Variants in CLIP1 observed in about 807,000 individuals in gnomAD.
CLIP1 encodes the protein CAP-Gly domain containing linker protein 1.
A neutral mutation model predicts 161.6 loss-of-function variants in CLIP1; 66 were observed. The observed-to-expected ratio is 0.41, with a 90% CI of 0.33 to 0.50. The LOEUF is 0.50. Ranked by LOEUF, CLIP1 falls within the 20% of genes least tolerant of loss-of-function variation. The pLI is 0.27. For synonymous variants in CLIP1, 598 were observed against 626.2 expected, an observed-to-expected ratio of 0.96 and a Z score of 0.67; for missense variants, 1,376 against 1,702.0, an observed-to-expected ratio of 0.81 and a Z score of 3.37.
Position 122,341,830 on chromosome 12 carries a change from C to T in CLIP1, c.1507-133G>A, listed in dbSNP as rs1799457029. 9 of 562,248 alleles carry T rather than the reference C, an allele frequency of 1.6e-5. No homozygotes were observed. The South Asian group carries it at 2.9e-4, about 18-fold the overall frequency. The allele number at this position is 562,248 out of a possible 1,614,324, so 34.8% of individuals were successfully genotyped here. On this transcript the variant is annotated intron_variant, in intron 10 of 25. Coordinates refer to ENST00000620786, the MANE Select transcript of CLIP1 (RefSeq NM_001247997.2). ...TGGAGTTTCGCTCTTCTTACCCAGGCTGGAGTACAATGGTGCGATCTCAGC... is the reference window on the plus strand; with the variant it reads ...TGGAGTTTCGCTCTTCTTACCCAGGTTGGAGTACAATGGTGCGATCTCAGC...
intron 5 of CLIP1, among the ~76,000 whole-genome samples, chr12:122,357,123 T>C (rs937013718): frequency 6.6e-4 from 100 of 151,170 alleles, no homozygotes; most frequent in African/African-American, 2.1e-3. Flanking sequence ...GGAGCGTCTC[T>C]GCCCGGCCGC....
chr12:122,360,429 A>ATT (rs1490902664), intron 5 of CLIP1, among the ~76,000 whole-genome samples: 49 of 151,858 alleles, frequency 3.2e-4, no homozygotes, highest in Non-Finnish European at 1.9e-4. Flanking sequence ...AAAAAAAAAA[A>ATT]AAATTAAATT....
intron 1 of CLIP1, among the ~76,000 whole-genome samples, chr12:122,394,303 A>G (rs536603742): frequency 1.3e-3 from 200 of 151,994 alleles, no homozygotes; most frequent in African/African-American, 4.6e-3. Flanking sequence ...CCTGGCCAAC[A>G]TGGTGAAACC....
Position 122,336,705 on chromosome 12 carries a change from A to G in CLIP1, c.2495T>C (p.Leu832Pro). Residue 832 changes from leucine to proline, a missense_variant, in exon 12 of 26, where the codon CTT becomes CCT. Around this residue, in one of 6 missense-constraint regions of CLIP1, gnomAD observed 948 missense variants for 1,134.8 expected, o/e 0.84. Transcript: ENST00000620786. ...ACTCAAATTTTCCTGAAGGTTAGTA[A>G]GCTTTAGCTCTCTCCCCTGGAGCTC... ...TRELQGRELK[L>P]TNLQENLSEV... The G allele has an allele frequency of 6.2e-7, 1 of 1,611,970 alleles. No homozygotes were observed. The highest frequency in any genetic ancestry group is 8.5e-7 in the Non-Finnish European group (1 of 1,178,886).
intron 15 of CLIP1, among the ~76,000 whole-genome samples, chr12:122,329,855 C>T (rs188555994): frequency 1.2e-3 from 183 of 152,188 alleles, no homozygotes; most frequent in Non-Finnish European, 2.1e-3. Context: ...CGTTGGCTCA[C>T]GCCTGTAATC....
intron 20 of CLIP1, among the ~76,000 whole-genome samples, chr12:122,294,355 A>AAC (rs1566086009): frequency 5.4e-5 from 8 of 147,168 alleles, no homozygotes; most frequent in Admixed American, 1.4e-4. Context: ...AAAAAAAAAA[A>AAC]CCCCAAACTG....
chr12:122,390,995 G>T (rs1955633717), intron 1 of CLIP1, among the ~76,000 whole-genome samples: 2 of 151,894 alleles, frequency 1.3e-5, no homozygotes, highest in South Asian at 2.1e-4. Flanking sequence ...CTCATAAAAG[G>T]TTTACACTTC....
rs374580168 is a variant in CLIP1 at position 122,412,337 on chromosome 12, C to T, written c.-107+10184G>A. Among the ~76,000 whole-genome samples, 24 of 149,690 alleles carry T rather than the reference C, an allele frequency of 1.6e-4. No individual in the cohort carries two copies. The South Asian group carries it at 4.6e-3, about 29-fold the overall frequency. The stretch of plus-strand genomic sequence containing the variant: ...CTGGGATTACAGGGGTGAGCCACCA[C>T]ACCTGGCCAAAAAAATTTTTTAATA... On this transcript the variant is annotated intron_variant, in intron 1 of 25. Coordinates refer to ENST00000620786, the MANE Select transcript of CLIP1 (RefSeq NM_001247997.2).
At chr12:122,320,339 G>GTGCC (rs1452725434) in intron 17 of CLIP1, among the ~76,000 whole-genome samples, 1 of 152,036 alleles carries the variant, frequency 6.6e-6, no homozygotes, top group Non-Finnish European at 1.5e-5. Flanking sequence ...ATGGTAGCAT[G>GTGCC]TGCCTACAGT....
intron 1 of CLIP1, among the ~76,000 whole-genome samples, chr12:122,383,450 T>C (rs1055126491): frequency 6.6e-6 from 1 of 152,188 alleles, no homozygotes; most frequent in African/African-American, 2.4e-5. Flanking sequence ...CAGAAGCATG[T>C]GGTTATTACA....
At chr12:122,408,569 C>CG (rs1407994919) in intron 1 of CLIP1, among the ~76,000 whole-genome samples, 1 of 151,932 alleles carries the variant, frequency 6.6e-6, no homozygotes, top group Non-Finnish European at 1.5e-5. Flanking sequence ...AGGATGGTCT[C>CG]GATCTCCTGA....
At position 122,329,709 on chromosome 12, in the gene CLIP1, T is replaced by C. The variant is rs180798138; in HGVS notation, c.2868-1283A>G. Among the ~76,000 whole-genome samples, 4 of 152,136 alleles carry C rather than the reference T, an allele frequency of 2.6e-5. No individual in the cohort carries two copies. In the East Asian group the frequency reaches 7.7e-4, roughly 29 times the overall value. ...TGAATGTTTCAAAATTTTAGCAGAC[T>C]AGATTACTAAAAATTCACTCTAGTG... On this transcript the variant is annotated intron_variant, in intron 15 of 25. Coordinates refer to ENST00000620786, the MANE Select transcript of CLIP1 (RefSeq NM_001247997.2).
chr12:122,292,769 C>A (rs192168607), intron 20 of CLIP1, among the ~76,000 whole-genome samples: 219 of 151,870 alleles, frequency 1.4e-3, no homozygotes, highest in African/African-American at 4.8e-3. Flanking sequence ...TTTGGGAGGC[C>A]GAGGCGGGCG....
At chr12:122,277,969 G>A in intron 24 of CLIP1, 185 bp downstream of exon 24, 1 of 627,448 alleles carries the variant, frequency 1.6e-6, no homozygotes, top group Non-Finnish European at 2.8e-6. Flanking sequence ...AGAGAGAGAA[G>A]GTTTGGAGGA....
chr12:122,365,055 A>T (rs1954066706), intron 3 of CLIP1, among the ~76,000 whole-genome samples: 1 of 152,040 alleles, frequency 6.6e-6, no homozygotes. Context: ...TGGACACAGT[A>T]AGGGGAACAT....
At chr12:122,328,212 A>ATCCCTTGCC (rs1216708017) in intron 16 of CLIP1, 49 bp downstream of exon 16, 1 of 1,613,290 alleles carries the variant, frequency 6.2e-7, no homozygotes, top group South Asian at 1.1e-5. Context: ...TGCGTGTACT[A>ATCCCTTGCC]TCCCTTGCCT....
At chr12:122,401,228 A>G (rs1356301791) in intron 1 of CLIP1, among the ~76,000 whole-genome samples, 1 of 152,202 alleles carries the variant, frequency 6.6e-6, no homozygotes. Flanking sequence ...TTTTCTAAAA[A>G]GTGGGCCAAT....
intron 3 of CLIP1, among the ~76,000 whole-genome samples, chr12:122,373,563 T>A (rs1323818156): frequency 6.6e-6 from 1 of 151,574 alleles, no homozygotes; most frequent in Non-Finnish European, 1.5e-5. Context: ...ACTTGTATAC[T>A]GTTTGTGGAA....
At chr12:122,392,230 G>A (rs924679247) in intron 1 of CLIP1, among the ~76,000 whole-genome samples, 16 of 151,976 alleles carry the variant, frequency 1.1e-4, no homozygotes, top group Non-Finnish European at 2.2e-4. Context: ...ATGATTACAC[G>A]ACTGCACTCC....
Sources: gnomAD v4.1 joint callset for allele counts (sites outside exome capture counted in the v4.1 genomes callset) on GRCh38, gnomAD v4.1.1 for gene constraint, gnomAD v4.1.1 regional missense constraint, MANE v1.5 for transcripts, NCBI Gene and HGNC (gene_info 2026-07-23, HGNC 2026-07-21) for gene names.